Variants in TNKS observed in about 807,000 individuals in gnomAD.
TNKS encodes poly [ADP-ribose] polymerase tankyrase-1.
A neutral mutation model predicts 135.8 loss-of-function variants in TNKS; 72 were observed. The observed-to-expected ratio is 0.53, with a 90% CI of 0.44 to 0.64. The LOEUF is 0.64. TNKS is among the 30% of genes least tolerant of loss of function. The pLI is 0.00. For synonymous variants in TNKS, 849 were observed against 649.3 expected (o/e 1.31, Z -4.68); for missense variants, 1,769 against 1,674.0 (o/e 1.06, Z -0.99).
At chr8:9,749,129 T>G (rs1393361471) in intron 18 of TNKS, among the ~76,000 whole-genome samples, 1 of 152,254 alleles carries the variant, frequency 6.6e-6, no homozygotes, top group Non-Finnish European at 1.5e-5. Flanking sequence ...AAGCAAGTCA[T>G]GAAGTCAGCT....
chr8:9,609,922 A>G (rs1799384621), intron 2 of TNKS, among the ~76,000 whole-genome samples: 1 of 152,104 alleles, frequency 6.6e-6, no homozygotes, highest in African/African-American at 2.4e-5. Flanking sequence ...CAGTGGCACA[A>G]TCTCAGCTCA....
chr8:9,766,570 C>T (rs1807461143), intron 25 of TNKS, 145 bp downstream of exon 25: 2 of 652,230 alleles, frequency 3.1e-6, no homozygotes, highest in Admixed American at 3.8e-5. Context: ...CACGCAACCT[C>T]CACCTCCTGG....
chr8:9,746,560 A>G (rs915971445), intron 17 of TNKS, among the ~76,000 whole-genome samples: 8 of 152,080 alleles, frequency 5.3e-5, no homozygotes, highest in Non-Finnish European at 7.4e-5. Flanking sequence ...GTTGTTTTCA[A>G]GGTTTTATCC....
chr8:9,730,301 A>C (rs1475650216), intron 13 of TNKS, among the ~76,000 whole-genome samples: 1 of 152,156 alleles, frequency 6.6e-6, no homozygotes, highest in Non-Finnish European at 1.5e-5. Flanking sequence ...CCTAAAAACT[A>C]GGGTATGATT....
At chr8:9,766,675 G>A (rs1807469396) in intron 25 of TNKS, among the ~76,000 whole-genome samples, 1 of 151,930 alleles carries the variant, frequency 6.6e-6, no homozygotes, top group African/African-American at 2.4e-5. Context: ...TAGTAGAGAT[G>A]GGGTTTTGCC....
At chr8:9,633,880 C>T (rs780638048) in intron 3 of TNKS, among the ~76,000 whole-genome samples, 1 of 152,026 alleles carries the variant, frequency 6.6e-6, no homozygotes, top group Non-Finnish European at 1.5e-5. Context: ...TATGATAGTC[C>T]CCATGTATAG....
Position 9,641,116 on chromosome 8 carries a change from A to G in TNKS, c.994+25439A>G, listed in dbSNP as rs1183092743. On this transcript the variant is annotated intron_variant, in intron 3 of 26. Coordinates refer to ENST00000310430, the MANE Select transcript of TNKS (RefSeq NM_003747.3). ...CTCACTGCATTAAGTAATGCACCCA[A>G]TTTATTCAGTTACAGGTGTGTTCCT... Among the ~76,000 whole-genome samples, 3 of 145,662 alleles carry G rather than the reference A, an allele frequency of 2.1e-5. 1 individual carries two copies. The highest frequency in any genetic ancestry group is 4.5e-5 in the Non-Finnish European group (3 of 66,608).
chr8:9,586,272 C>G (rs1406078561), intron 2 of TNKS, among the ~76,000 whole-genome samples: 1 of 152,078 alleles, frequency 6.6e-6, no homozygotes, highest in Admixed American at 6.6e-5. Flanking sequence ...GGAAATTAAG[C>G]TGACTATATA....
intron 5 of TNKS, among the ~76,000 whole-genome samples, chr8:9,702,382 C>T (rs1384415135): frequency 1.3e-5 from 2 of 152,008 alleles, no homozygotes; most frequent in Non-Finnish European, 2.9e-5. Context: ...TGCTTTAAGT[C>T]AGTGAAATAT....
rs375292112 is a variant in TNKS at position 9,776,917 on chromosome 8, C to T, written c.*181C>T. ...TGAGTAACTGATACATACTCAACTG[C>T]TACTGTTCCCTTTGAGGAAATGTTT... is the stretch of plus-strand genomic sequence containing the variant. On this transcript the variant is annotated 3_prime_UTR_variant, in exon 27 of 27. Transcript: ENST00000310430. The T allele has an allele frequency of 2.7e-5, 15 of 548,106 alleles. 1 individual carries two copies. The highest frequency in any genetic ancestry group is 1.7e-4 in the East Asian group (6 of 34,344). The allele number at this position is 548,106 out of a possible 1,614,324, so 34.0% of individuals were successfully genotyped here.
chr8:9,609,449 G>C (rs754759033), intron 2 of TNKS, among the ~76,000 whole-genome samples: 2 of 152,202 alleles, frequency 1.3e-5, no homozygotes, highest in African/African-American at 4.8e-5. Context: ...CACCCTTGTT[G>C]TGTGGGGAAC....
intron 2 of TNKS, among the ~76,000 whole-genome samples, chr8:9,587,682 G>T (rs138501241): frequency 6.6e-6 from 1 of 152,174 alleles, no homozygotes; most frequent in Non-Finnish European, 1.5e-5. Context: ...GATTACAGGC[G>T]TGAGCCACTG....
intron 1 of TNKS, among the ~76,000 whole-genome samples, chr8:9,565,668 A>C (rs1343709263): frequency 2.6e-5 from 4 of 152,116 alleles, no homozygotes; most frequent in Admixed American, 2.0e-4. Context: ...TGGCTAGCAC[A>C]GTGAAACCCC....
intron 2 of TNKS, among the ~76,000 whole-genome samples, chr8:9,589,971 C>T (rs888988015): frequency 6.6e-6 from 1 of 152,294 alleles, no homozygotes; most frequent in South Asian, 2.1e-4. Flanking sequence ...CATTCATTGT[C>T]CCGTTGAATG....
rs1438069925 is a variant in TNKS, at chr8:9,706,938, G to A, written c.1397G>A (p.Cys466Tyr). The change falls in exon 8 of 27, where the codon TGC (cysteine) becomes TAC (tyrosine). Residue 466 changes from cysteine to tyrosine, a missense_variant. Cys to Tyr is a radical substitution (Grantham distance 194). Coordinates refer to ENST00000310430, the MANE Select transcript of TNKS (RefSeq NM_003747.3). ...GGCGCTGATCCTACATTAGTCAACT[G>A]CCATGGCAAAAGTGCTGTGGATATG... ...SHGADPTLVN[C>Y]HGKSAVDMAP... The A allele has an allele frequency of 6.2e-7, 1 of 1,613,594 alleles. No homozygotes were observed. The highest frequency in any genetic ancestry group is 1.7e-5 in the Admixed American group (1 of 59,870).
At chr8:9,661,681 C>G (rs1450664339) in intron 3 of TNKS, among the ~76,000 whole-genome samples, 1 of 152,212 alleles carries the variant, frequency 6.6e-6, no homozygotes, top group African/African-American at 2.4e-5. Context: ...TGGGCAAGGA[C>G]TTCATGTCTA....
At chr8:9,628,536 CATCG>C (rs1301875502) in intron 3 of TNKS, among the ~76,000 whole-genome samples, 2 of 151,088 alleles carry the variant, frequency 1.3e-5, no homozygotes, top group Non-Finnish European at 2.9e-5. Flanking sequence ...TCTCTCATTT[CATCG>C]ATAGATCTTT....
chr8:9,601,741 T>C (rs996580206), intron 2 of TNKS, among the ~76,000 whole-genome samples: 2 of 152,204 alleles, frequency 1.3e-5, no homozygotes, highest in African/African-American at 2.4e-5. Flanking sequence ...CTCAAAGATA[T>C]ATTTATAGAC....
At chr8:9,600,626 T>TA (rs1798982308) in intron 2 of TNKS, among the ~76,000 whole-genome samples, 1 of 152,138 alleles carries the variant, frequency 6.6e-6, no homozygotes, top group African/African-American at 2.4e-5. Context: ...AACTTTTTTT[T>TA]AAAAAAGAAA....
Sources: allele counts gnomAD v4.1 joint callset (sites outside exome capture counted in the v4.1 genomes callset), GRCh38; gene constraint gnomAD v4.1.1; transcripts MANE v1.5; gene names NCBI Gene and HGNC (gene_info 2026-07-23, HGNC 2026-07-21).